Variants in ELMO1 observed in about 807,000 individuals in gnomAD.
ELMO1 encodes engulfment and cell motility protein 1.
A neutral mutation model predicts 98.9 loss-of-function variants in ELMO1; 26 were observed. The observed-to-expected ratio is 0.26, with a 90% confidence interval of 0.19 to 0.36. The LOEUF is 0.36. Among genes scored for constraint, ELMO1 ranks in the 10% least tolerant of loss-of-function variants. The pLI, the probability that ELMO1 is intolerant of heterozygous loss-of-function variation, is 1.00. For missense variants in ELMO1, 627 were observed against 935.2 expected (o/e 0.67, Z 4.30); for synonymous variants, 346 against 346.0 (o/e 1.00, Z 0.00).
intron 1 of ELMO1, among the ~76,000 whole-genome samples, chr7:37,418,391 T>A (rs983099787): frequency 6.6e-6 from 1 of 152,198 alleles, no homozygotes; most frequent in African/African-American, 2.4e-5. Context: ...GACAGCAGCC[T>A]GCAGCACCAC....
At chr7:36,967,321 C>A (rs1789527134) in intron 16 of ELMO1, among the ~76,000 whole-genome samples, 1 of 152,078 alleles carries the variant, frequency 6.6e-6, no homozygotes, top group African/African-American at 2.4e-5. Flanking sequence ...AGGAAGGGTA[C>A]AAATGGGACA....
chr7:37,289,084 T>C (rs995531213), intron 4 of ELMO1, among the ~76,000 whole-genome samples: 1 of 152,214 alleles, frequency 6.6e-6, no homozygotes, highest in Non-Finnish European at 1.5e-5. Context: ...GGCATCTCCA[T>C]GTTTAGTTCA....
intron 10 of ELMO1, 94 bp from the exon 11 acceptor site, chr7:37,216,789 A>T (rs1793309242): frequency 8.1e-7 from 1 of 1,235,116 alleles, no homozygotes; most frequent in Non-Finnish European, 1.2e-6. Flanking sequence ...TGTGCTTCGT[A>T]ACTGTATATC....
At chr7:37,006,418 C>T (rs1793127074) in intron 16 of ELMO1, among the ~76,000 whole-genome samples, 2 of 152,196 alleles carry the variant, frequency 1.3e-5, no homozygotes, top group African/African-American at 4.8e-5. Context: ...TACCGGTTTA[C>T]AGGTGAGAAA....
At chr7:37,344,512 T>C (rs1405001345) in intron 1 of ELMO1, among the ~76,000 whole-genome samples, 1 of 152,244 alleles carries the variant, frequency 6.6e-6, no homozygotes, top group Non-Finnish European at 1.5e-5. Context: ...TTAGCTATCA[T>C]AAACCAAACT....
chr7:36,943,311 G>A (rs1787206207), intron 16 of ELMO1, among the ~76,000 whole-genome samples: 1 of 152,196 alleles, frequency 6.6e-6, no homozygotes, highest in Non-Finnish European at 1.5e-5. Context: ...AAAAAATTCA[G>A]AGTAACACGG....
intron 1 of ELMO1, among the ~76,000 whole-genome samples, chr7:37,391,392 A>C (rs1213351840): frequency 6.6e-6 from 1 of 152,224 alleles, no homozygotes; most frequent in African/African-American, 2.4e-5. Flanking sequence ...CTGGCATTAC[A>C]GGCATGAGCC....
At chr7:37,225,082 A>G (rs753936184) in intron 8 of ELMO1, 52 bp from the exon 9 acceptor site, 1 of 1,606,744 alleles carries the variant, frequency 6.2e-7, no homozygotes, top group Non-Finnish European at 8.5e-7. Flanking sequence ...TAGAGCAGAG[A>G]CGTGGAGAAG....
chr7:36,898,192 T>C (rs1049044890), intron 16 of ELMO1, among the ~76,000 whole-genome samples: 33 of 152,274 alleles, frequency 2.2e-4, no homozygotes, highest in African/African-American at 6.5e-4. Flanking sequence ...ATGTTTCACA[T>C]GTGCAAGACA....
At chr7:37,020,141 C>A (rs1794185026) in intron 15 of ELMO1, among the ~76,000 whole-genome samples, 1 of 152,150 alleles carries the variant, frequency 6.6e-6, no homozygotes, top group African/African-American at 2.4e-5. Flanking sequence ...AAGGTCATTG[C>A]AGCTCCCTGG....
At chr7:37,138,340 A>G (rs931822407) in intron 13 of ELMO1, among the ~76,000 whole-genome samples, 1 of 152,180 alleles carries the variant, frequency 6.6e-6, no homozygotes, top group Non-Finnish European at 1.5e-5. Flanking sequence ...ATTAACCAAA[A>G]AAAGAAGAGA....
chr7:36,916,382 G>A (rs1562821464), intron 16 of ELMO1, among the ~76,000 whole-genome samples: 1 of 152,204 alleles, frequency 6.6e-6, no homozygotes, highest in Non-Finnish European at 1.5e-5. Flanking sequence ...GTGATATGGA[G>A]CTTTAATTGT....
chr7:36,963,058 G>A (rs184556819), intron 16 of ELMO1, among the ~76,000 whole-genome samples: 1 of 152,198 alleles, frequency 6.6e-6, no homozygotes, highest in Admixed American at 6.5e-5. Flanking sequence ...AATCCTGATA[G>A]AGTTACACTT....
intron 15 of ELMO1, among the ~76,000 whole-genome samples, chr7:37,064,723 C>T (rs571808727): frequency 6.6e-6 from 1 of 152,146 alleles, no homozygotes; most frequent in Non-Finnish European, 1.5e-5. Context: ...CCAATCTCCC[C>T]GTAAGTACTC....
At chr7:36,918,639 G>A (rs1784896968) in intron 16 of ELMO1, among the ~76,000 whole-genome samples, 1 of 152,228 alleles carries the variant, frequency 6.6e-6, no homozygotes, top group African/African-American at 2.4e-5. Flanking sequence ...CATTAGCCTT[G>A]TGCTGGAGGG....
At chr7:37,437,909 C>G (rs1159436910) in intron 1 of ELMO1, among the ~76,000 whole-genome samples, 1 of 14,986 alleles carries the variant, frequency 6.7e-5, no homozygotes, top group Admixed American at 8.4e-4. Context: ...GGAAGCGGAG[C>G]TTGCAGTGAG....
intron 16 of ELMO1, among the ~76,000 whole-genome samples, chr7:36,988,516 G>A (rs1329164347): frequency 2.0e-5 from 3 of 152,184 alleles, no homozygotes; most frequent in Non-Finnish European, 4.4e-5. Flanking sequence ...TCTAATAGAG[G>A]AGGCAAAAAT....
intron 1 of ELMO1, among the ~76,000 whole-genome samples, chr7:37,417,711 A>G (rs1202100739): frequency 6.8e-6 from 1 of 147,998 alleles, no homozygotes; most frequent in Non-Finnish European, 1.5e-5. Context: ...GTGTGGTGGC[A>G]CACACCTGTA....
chr7:37,446,085 A>G (rs1271697445), intron 1 of ELMO1, among the ~76,000 whole-genome samples: 1 of 152,212 alleles, frequency 6.6e-6, no homozygotes, highest in Non-Finnish European at 1.5e-5. Flanking sequence ...AAGGACAGCG[A>G]AAAAAGCAAA....
Sources: gnomAD v4.1 joint callset for allele counts (sites outside exome capture counted in the v4.1 genomes callset) on GRCh38, gnomAD v4.1.1 for gene constraint, MANE v1.5 for transcripts, NCBI Gene and HGNC (gene_info 2026-07-23, HGNC 2026-07-21) for gene names.